Variants in SYT1 observed in about 807,000 individuals in gnomAD.
SYT1 encodes synaptotagmin 1, also known as synaptotagmin-1.
In SYT1, 8 loss-of-function variants were observed where a neutral mutation model predicts 44.8. The ratio of observed to expected loss-of-function variants is 0.18; its 90% confidence interval spans 0.10 to 0.32. The LOEUF (loss-of-function observed/expected upper bound fraction) is 0.32, where lower values mean the gene tolerates loss of function less well. SYT1 is among the 10% of genes least tolerant of loss of function. The pLI is 1.00. For missense variants in SYT1, 286 were observed against 509.3 expected, an observed-to-expected ratio of 0.56 and a Z score of 4.22; for synonymous variants, 154 against 188.8, an observed-to-expected ratio of 0.82 and a Z score of 1.51.
At chr12:79,249,102 T>C (rs1194841880) in intron 4 of SYT1, among the ~76,000 whole-genome samples, 2 of 115,128 alleles carry the variant, frequency 1.7e-5, no homozygotes, top group African/African-American at 3.5e-5. Context: ...TTTTTTTTTT[T>C]TTTTTTTTTT....
chr12:79,149,561 CAT>C (rs772924903), intron 3 of SYT1, among the ~76,000 whole-genome samples: 3 of 152,074 alleles, frequency 2.0e-5, no homozygotes, highest in Non-Finnish European at 4.4e-5. Flanking sequence ...TAACATATAA[CAT>C]ATTTTTTTAA....
chr12:79,403,427 T>C (rs907036083), intron 9 of SYT1, among the ~76,000 whole-genome samples: 1 of 152,168 alleles, frequency 6.6e-6, no homozygotes, highest in Non-Finnish European at 1.5e-5. Context: ...GCTGGCAAAA[T>C]TCCCTCTTCT....
In SYT1 at chr12:79,450,506, T is replaced by C. The variant is rs1378780129; in HGVS notation, c.*1382T>C. 1 of 152,624 alleles carries C rather than the reference T, an allele frequency of 6.6e-6. No individual in the cohort carries two copies. The highest frequency in any genetic ancestry group is 1.5e-5 in the Non-Finnish European group (1 of 68,036). 9.5% of individuals were successfully genotyped at this position (152,624 alleles called of 1,614,324 possible). ...AGGAGTTTTTAAACGTTTTCAATGT[T>C]ATTATGTAGTAAATGACACTATTAT... On this transcript the variant is annotated 3_prime_UTR_variant, in exon 11 of 11. Transcript: ENST00000261205.
At chr12:79,009,391 A>G (rs1430809629) in intron 2 of SYT1, among the ~76,000 whole-genome samples, 2 of 152,150 alleles carry the variant, frequency 1.3e-5, no homozygotes, top group Admixed American at 1.3e-4. Context: ...AGGCAAACCT[A>G]CTTTCAGTCT....
chr12:78,961,660 T>C (rs1192915682), intron 1 of SYT1, among the ~76,000 whole-genome samples: 1 of 152,106 alleles, frequency 6.6e-6, no homozygotes, highest in Non-Finnish European at 1.5e-5. Context: ...TGCTTAACAA[T>C]GAGCAATTCT....
intron 1 of SYT1, among the ~76,000 whole-genome samples, chr12:78,911,108 T>A (rs1402374377): frequency 6.6e-6 from 1 of 152,002 alleles, no homozygotes; most frequent in African/African-American, 2.4e-5. Context: ...CAAGCTTCAG[T>A]GTTGTAAATA....
At chr12:79,356,442 T>G (rs1883115770) in intron 9 of SYT1, among the ~76,000 whole-genome samples, 1 of 152,072 alleles carries the variant, frequency 6.6e-6, no homozygotes, top group Admixed American at 6.5e-5. Flanking sequence ...AATAATGAAT[T>G]ATTTACAAAG....
intron 8 of SYT1, among the ~76,000 whole-genome samples, chr12:79,309,246 C>G (rs1387847630): frequency 5.3e-5 from 8 of 152,124 alleles, no homozygotes. Flanking sequence ...TGGCCAGGCG[C>G]CAAACAGTAC....
At chr12:78,898,968 T>G (rs1875511823) in intron 1 of SYT1, among the ~76,000 whole-genome samples, 1 of 152,088 alleles carries the variant, frequency 6.6e-6, no homozygotes, top group Non-Finnish European at 1.5e-5. Flanking sequence ...CTGTTGGTTT[T>G]GAGATATTTT....
intron 7 of SYT1, among the ~76,000 whole-genome samples, chr12:79,297,242 G>GT (rs1280302952): frequency 6.6e-6 from 1 of 152,052 alleles, no homozygotes; most frequent in Non-Finnish European, 1.5e-5. Flanking sequence ...TTAAAATCTG[G>GT]TTTTTCTGTA....
At chr12:79,290,402 AAC>A (rs1195744846) in intron 5 of SYT1, among the ~76,000 whole-genome samples, 1 of 152,196 alleles carries the variant, frequency 6.6e-6, no homozygotes, top group Admixed American at 6.5e-5. Context: ...GGGTGGATTG[AAC>A]AGAGAATCTC....
intron 3 of SYT1, among the ~76,000 whole-genome samples, chr12:79,101,331 G>A (rs1878433809): frequency 6.6e-6 from 1 of 152,182 alleles, no homozygotes; most frequent in Non-Finnish European, 1.5e-5. Flanking sequence ...TTACAAAATG[G>A]ATGAACCTTG....
intron 9 of SYT1, among the ~76,000 whole-genome samples, chr12:79,373,600 A>C (rs890923492): frequency 1.7e-4 from 26 of 152,306 alleles, no homozygotes; most frequent in African/African-American, 6.3e-4. Flanking sequence ...AGATGGTCAC[A>C]TCAAAAAAAT....
At chr12:79,229,346 A>G (rs1472678831) in intron 4 of SYT1, among the ~76,000 whole-genome samples, 1 of 152,254 alleles carries the variant, frequency 6.6e-6, no homozygotes. Flanking sequence ...TCTAGAAAGC[A>G]GTAGTTTTCA....
intron 9 of SYT1, among the ~76,000 whole-genome samples, chr12:79,427,423 A>G (rs1869515039): frequency 6.6e-6 from 1 of 152,244 alleles, no homozygotes; most frequent in African/African-American, 2.4e-5. Flanking sequence ...CCATGTATTC[A>G]TTAAAGAAGT....
At chr12:78,865,452 A>C (rs1873485449) in intron 1 of SYT1, among the ~76,000 whole-genome samples, 1 of 148,674 alleles carries the variant, frequency 6.7e-6, no homozygotes, top group Non-Finnish European at 1.5e-5. Flanking sequence ...CCCTCCTCCC[A>C]CCCTAAGCAC....
chr12:79,132,849 A>C (rs1242000754), intron 3 of SYT1, among the ~76,000 whole-genome samples: 1 of 152,156 alleles, frequency 6.6e-6, no homozygotes, highest in Non-Finnish European at 1.5e-5. Context: ...AATCAACCTA[A>C]GTGTTCATCA....
At chr12:79,202,189 A>C (rs966798339) in intron 3 of SYT1, among the ~76,000 whole-genome samples, 1 of 152,174 alleles carries the variant, frequency 6.6e-6, no homozygotes, top group African/African-American at 2.4e-5. Context: ...TGGTATATTC[A>C]TCAGTCTTAT....
At chr12:79,356,044 A>G (rs899949755) in intron 9 of SYT1, among the ~76,000 whole-genome samples, 5 of 151,910 alleles carry the variant, frequency 3.3e-5, no homozygotes, top group African/African-American at 1.2e-4. Flanking sequence ...ATGGGGTTCA[A>G]AGAAGACCTC....
Sources: gnomAD v4.1 joint callset for allele counts (sites outside exome capture counted in the v4.1 genomes callset) on GRCh38, gnomAD v4.1.1 for gene constraint, MANE v1.5 for transcripts, NCBI Gene and HGNC (gene_info 2026-07-23, HGNC 2026-07-21) for gene names.